SPMAP2L: variants seen among roughly 807,000 people sequenced by gnomAD.
SPMAP2L encodes sperm microtubule associated protein 2 like.
chr4:56,618,731 C>T, the SPMAP2L span, among the ~76,000 whole-genome samples: 1 of 152,166 alleles, frequency 6.6e-6, no homozygotes, highest in African/African-American at 2.4e-5. Flanking sequence ...GGGACACAGC[C>T]AAACCATGTC....
chr4:56,531,399 G>A, the SPMAP2L span, among the ~76,000 whole-genome samples: 1 of 152,188 alleles, frequency 6.6e-6, no homozygotes, highest in Non-Finnish European at 1.5e-5. Flanking sequence ...AATGAGAGAA[G>A]CTGAATCTCT....
At chr4:56,560,980 A>G in the SPMAP2L span, among the ~76,000 whole-genome samples, 1 of 152,122 alleles carries the variant, frequency 6.6e-6, no homozygotes, top group Non-Finnish European at 1.5e-5. Flanking sequence ...TTCTGACCTC[A>G]AGTGAGCCAC....
chr4:56,595,357 G>A, the SPMAP2L span: 1,381 of 1,606,944 alleles, frequency 8.6e-4, 10 homozygotes, highest in Middle Eastern at 8.1e-3. Context: ...GCCTGTGGCA[G>A]GGACCCTCAT....
chr4:56,564,031 TTATAGA>T, the SPMAP2L span, among the ~76,000 whole-genome samples: 1 of 152,214 alleles, frequency 6.6e-6, no homozygotes, highest in Non-Finnish European at 1.5e-5. Context: ...TTAATTTATT[TTATAGA>T]TATAGGGCTA....
the SPMAP2L span, chr4:56,593,857 T>G: frequency 1.2e-6 from 2 of 1,610,552 alleles, no homozygotes; most frequent in South Asian, 2.2e-5. Flanking sequence ...TCTACCATGG[T>G]TCCCATGGGC....
At chr4:56,603,806 T>C in the SPMAP2L span, among the ~76,000 whole-genome samples, 2 of 152,204 alleles carry the variant, frequency 1.3e-5, no homozygotes, top group African/African-American at 2.4e-5. Flanking sequence ...GTGAAGCTCT[T>C]TTGGAAAAAT....
the SPMAP2L span, among the ~76,000 whole-genome samples, chr4:56,564,757 A>G: frequency 3.3e-4 from 50 of 152,166 alleles, no homozygotes; most frequent in Non-Finnish European, 5.9e-4. Flanking sequence ...GGAAACTGAG[A>G]TCGTTGACTT....
chr4:56,622,333 A>G, the SPMAP2L span, among the ~76,000 whole-genome samples: 2 of 152,280 alleles, frequency 1.3e-5, no homozygotes, highest in African/African-American at 4.8e-5. Flanking sequence ...AGGAATAAGA[A>G]CTAAATGAGA....
chr4:56,582,741 A>C, the SPMAP2L span, among the ~76,000 whole-genome samples: 1,039 of 152,306 alleles, frequency 6.8e-3, 14 homozygotes, highest in African/African-American at 0.024. Context: ...TAAAAACGTA[A>C]ATTCACACAA....
At chr4:56,558,911 A>G in the SPMAP2L span, among the ~76,000 whole-genome samples, 2 of 151,872 alleles carry the variant, frequency 1.3e-5, no homozygotes, top group Non-Finnish European at 2.9e-5. Flanking sequence ...CTTCTATTAC[A>G]TGGTTTTCTC....
the SPMAP2L span, among the ~76,000 whole-genome samples, chr4:56,572,778 G>A: frequency 6.6e-6 from 1 of 152,232 alleles, no homozygotes; most frequent in South Asian, 2.1e-4. Context: ...CACTTTGGGA[G>A]GCCAAGGCAG....
chr4:56,594,888 G>A, the SPMAP2L span: 3 of 1,611,008 alleles, frequency 1.9e-6, no homozygotes, highest in Non-Finnish European at 2.5e-6. Context: ...GGAGACTTTG[G>A]GTCTGATGTC....
the SPMAP2L span, chr4:56,530,786 T>C: frequency 6.5e-7 from 1 of 1,535,244 alleles, no homozygotes. Flanking sequence ...CCCATTGTGC[T>C]CAGGATTCTC....
chr4:56,579,926 CG>C, the SPMAP2L span, among the ~76,000 whole-genome samples: 129 of 152,150 alleles, frequency 8.5e-4, 2 homozygotes, highest in Middle Eastern at 3.4e-3. Flanking sequence ...ACAAGTGAAG[CG>C]ATTGAATTAA....
At chr4:56,579,140 C>CA in the SPMAP2L span, among the ~76,000 whole-genome samples, 1 of 151,882 alleles carries the variant, frequency 6.6e-6, no homozygotes, top group East Asian at 1.9e-4. Flanking sequence ...AACCTCTACT[C>CA]AAAAATGGGA....
At chr4:56,612,800 C>A in the SPMAP2L span, among the ~76,000 whole-genome samples, 1 of 151,808 alleles carries the variant, frequency 6.6e-6, no homozygotes, top group African/African-American at 2.4e-5. Context: ...CTCCTGACCT[C>A]AAGTGATCTG....
chr4:56,561,787 C>T, the SPMAP2L span, among the ~76,000 whole-genome samples: 55 of 152,174 alleles, frequency 3.6e-4, no homozygotes, highest in African/African-American at 1.0e-3. Context: ...TGCAGTGGCG[C>T]CATCTTGGCT....
the SPMAP2L span, chr4:56,530,985 C>G: frequency 2.0e-6 from 3 of 1,535,414 alleles, no homozygotes; most frequent in Non-Finnish European, 2.6e-6. Flanking sequence ...CTTACGAACT[C>G]CATGGGCCCC....
At chr4:56,534,714 G>A in the SPMAP2L span, among the ~76,000 whole-genome samples, 2 of 152,162 alleles carry the variant, frequency 1.3e-5, no homozygotes, top group African/African-American at 4.8e-5. Context: ...ATTACCTGAG[G>A]TCAGGGGTTC....
Sources: gnomAD v4.1 joint callset for allele counts (sites outside exome capture counted in the v4.1 genomes callset) on GRCh38, gnomAD v4.1.1 for gene constraint, MANE v1.5 for transcripts, NCBI Gene and HGNC (gene_info 2026-07-23, HGNC 2026-07-21) for gene names.